The following ACBD6 variants were observed in gnomAD, a reference collection of about 807,000 sequenced individuals.
The protein encoded by ACBD6 is acyl-CoA binding domain containing 6, also known as acyl-CoA-binding domain-containing protein 6.
In ACBD6, 28 loss-of-function variants were observed where a neutral mutation model predicts 37.2. The observed-to-expected ratio is 0.75, with a 90% confidence interval of 0.56 to 1.03. The LOEUF (loss-of-function observed/expected upper bound fraction) is 1.03. ACBD6 is among the 50% of genes least tolerant of loss of function. ACBD6 has a pLI of 0.00. For synonymous variants in ACBD6, 113 were observed against 126.8 expected (o/e 0.89, Z 0.73); for missense variants, 340 against 337.4 (o/e 1.01, Z -0.06).
In ACBD6 at chr1:180,434,620, C is replaced by T. The variant is rs1429083632; in HGVS notation, c.385-4358G>A. Among the ~76,000 whole-genome samples the T allele has an allele frequency of 3.3e-5, 5 of 152,304 alleles. No individual in the cohort carries two copies. In the East Asian group the frequency reaches 9.6e-4, roughly 29 times the overall value. Reference sequence around the variant, plus strand: ...TTAATTCCAAGCTTTTAGATAATAACTTAACTCTCAACCAACTGCCAATCA... The same window carrying T: ...TTAATTCCAAGCTTTTAGATAATAATTTAACTCTCAACCAACTGCCAATCA... On this transcript the variant is annotated intron_variant, in intron 3 of 7. Transcript: ENST00000367595.
intron 6 of ACBD6, among the ~76,000 whole-genome samples, chr1:180,328,479 T>C (rs1207513508): frequency 1.3e-5 from 2 of 151,850 alleles, no homozygotes; most frequent in African/African-American, 2.4e-5. Context: ...TGATCTACCA[T>C]CTCTACTAAT....
At chr1:180,345,337 CA>C (rs1215775065) in intron 6 of ACBD6, among the ~76,000 whole-genome samples, 1 of 152,112 alleles carries the variant, frequency 6.6e-6, no homozygotes, top group Non-Finnish European at 1.5e-5. Context: ...TGAAAATTTA[CA>C]TAGTCTGTTA....
At chr1:180,315,999 A>G (rs1162509369) in intron 6 of ACBD6, among the ~76,000 whole-genome samples, 10 of 152,256 alleles carry the variant, frequency 6.6e-5, no homozygotes, top group South Asian at 4.1e-4. Flanking sequence ...GCAGCATGAA[A>G]AAGTCAGGAA....
chr1:180,449,622 G>A (rs933640032), intron 3 of ACBD6, among the ~76,000 whole-genome samples: 72 of 151,840 alleles, frequency 4.7e-4, no homozygotes, highest in African/African-American at 1.7e-3. Flanking sequence ...TGGCCAGGCT[G>A]GTCTTGAACT....
At chr1:180,412,086 GC>G (rs1170845511) in intron 5 of ACBD6, among the ~76,000 whole-genome samples, 3 of 148,136 alleles carry the variant, frequency 2.0e-5, no homozygotes, top group Admixed American at 6.8e-5. Context: ...TCAGAGGTAT[GC>G]CTGTATTTTG....
At chr1:180,321,211 C>A (rs2764442) in intron 6 of ACBD6, among the ~76,000 whole-genome samples, 8,773 of 152,138 alleles carry the variant, frequency 0.058, 298 homozygotes, top group South Asian at 0.06. Flanking sequence ...GTATAATTTG[C>A]AGTCAGATAA....
intron 6 of ACBD6, among the ~76,000 whole-genome samples, chr1:180,325,518 T>C (rs1295172073): frequency 2.6e-5 from 4 of 152,234 alleles, no homozygotes; most frequent in Non-Finnish European, 5.9e-5. Flanking sequence ...AAAACAGTTA[T>C]TTTGAATTCT....
chr1:180,326,503 T>C (rs1484233682), intron 6 of ACBD6: 2 of 152,436 alleles, frequency 1.3e-5, no homozygotes, highest in Non-Finnish European at 2.9e-5. Context: ...AGCCTAGGCA[T>C]GGAATCAGGC....
chr1:180,425,336 C>T lies in ACBD6; in HGVS notation c.467+4844G>A, dbSNP rs1198830263. Among the ~76,000 whole-genome samples, 3 of 152,262 alleles carry T rather than the reference C, an allele frequency of 2.0e-5. No homozygotes were observed. The East Asian group carries it at 5.8e-4, about 29-fold the overall frequency. ...TTCTCCAGGGGGAGTTGCCCACTTGCCTATACCCACTTGTGTAGTCCTCAA... is the reference window on the plus strand; with the variant it reads ...TTCTCCAGGGGGAGTTGCCCACTTGTCTATACCCACTTGTGTAGTCCTCAA... On this transcript the variant is annotated intron_variant, in intron 4 of 7. Transcript: ENST00000367595.
chr1:180,284,762 C>T (rs1165809391), downstream of ACBD6, among the ~76,000 whole-genome samples: 1 of 152,068 alleles, frequency 6.6e-6, no homozygotes, highest in African/African-American at 2.4e-5. Context: ...AGTATGGCTG[C>T]TTTTGTTTTT....
At chr1:180,360,878 A>G (rs1360497980) in intron 6 of ACBD6, among the ~76,000 whole-genome samples, 3 of 152,176 alleles carry the variant, frequency 2.0e-5, no homozygotes, top group Admixed American at 1.3e-4. Flanking sequence ...GGAGCTTCAC[A>G]TAAGGTTTTT....
At chr1:180,356,376 C>T (rs1558264203) in intron 6 of ACBD6, among the ~76,000 whole-genome samples, 1 of 149,482 alleles carries the variant, frequency 6.7e-6, no homozygotes. Context: ...TTTACCGTGT[C>T]GCCCAGACTG....
intron 3 of ACBD6, among the ~76,000 whole-genome samples, chr1:180,433,573 G>GT (rs1648892907): frequency 1.6e-5 from 1 of 61,694 alleles, no homozygotes; most frequent in Non-Finnish European, 3.2e-5. Context: ...GTGGTGTTAT[G>GT]CTGTGTGTGT....
At chr1:180,420,047 C>T (rs1322817766) in intron 4 of ACBD6, among the ~76,000 whole-genome samples, 1 of 152,172 alleles carries the variant, frequency 6.6e-6, no homozygotes, top group Non-Finnish European at 1.5e-5. Flanking sequence ...ATAATCAGAA[C>T]GCTTCTGCAA....
intron 3 of ACBD6, among the ~76,000 whole-genome samples, chr1:180,451,608 TA>T (rs1159391810): frequency 2.6e-5 from 4 of 152,122 alleles, no homozygotes; most frequent in African/African-American, 7.2e-5. Context: ...AACATACTAA[TA>T]AAAAAAGTCA....
intron 7 of ACBD6, among the ~76,000 whole-genome samples, chr1:180,311,008 C>T (rs1165764335): frequency 6.6e-6 from 1 of 152,154 alleles, no homozygotes; most frequent in East Asian, 1.9e-4. Flanking sequence ...TTGTTCTAGA[C>T]TAACTTTCAA....
intron 4 of ACBD6, among the ~76,000 whole-genome samples, chr1:180,414,024 C>T (rs1647973596): frequency 1.3e-5 from 2 of 152,152 alleles, no homozygotes; most frequent in South Asian, 4.1e-4. Context: ...ATTTTGTATA[C>T]AGTACATTTT....
rs557259591 is a variant in ACBD6, at chr1:180,448,838, A to T, written c.385-18576T>A. On this transcript the variant is annotated intron_variant, in intron 3 of 7. Coordinates refer to ENST00000367595, the MANE Select transcript of ACBD6 (RefSeq NM_032360.4). ...AAATCTGTTTTCTTTCATTTTTTTT[A>T]AAATATAAATCTGGTAGCTGTTGGT... Among the ~76,000 whole-genome samples, 36 of 152,202 alleles carry T rather than the reference A, an allele frequency of 2.4e-4. No homozygotes were observed. The East Asian group carries it at 2.9e-3, about 12-fold the overall frequency.
At chr1:180,304,153 C>CTGAA (rs1175312172) in intron 7 of ACBD6, among the ~76,000 whole-genome samples, 1 of 150,888 alleles carries the variant, frequency 6.6e-6, no homozygotes, top group Non-Finnish European at 1.5e-5. Flanking sequence ...CAATATCATA[C>CTGAA]TGAATGGGCA....
Sources: allele counts gnomAD v4.1 joint callset (sites outside exome capture counted in the v4.1 genomes callset), GRCh38; gene constraint gnomAD v4.1.1; transcripts MANE v1.5; gene names NCBI Gene and HGNC (gene_info 2026-07-23, HGNC 2026-07-21).